Variants in CRBN observed in about 807,000 individuals in gnomAD.
The protein encoded by CRBN is cereblon.
A neutral mutation model predicts 62.2 loss-of-function variants in CRBN; 53 were observed. The ratio of observed to expected loss-of-function variants is 0.85; its 90% CI spans 0.68 to 1.07. The LOEUF is 1.07. Ranked by LOEUF, CRBN falls within the 50% of genes least tolerant of loss-of-function variation. The probability of loss-of-function intolerance (pLI) is 0.00; values close to 1 mark genes in which losing one functional copy is unlikely to be tolerated. For synonymous variants in CRBN, 208 were observed against 176.1 expected, an observed-to-expected ratio of 1.18 and a Z score of -1.43; for missense variants, 616 against 531.1, an observed-to-expected ratio of 1.16 and a Z score of -1.57.
intron 7 of CRBN, 166 bp downstream of exon 7, chr3:3,154,581 A>AAAT (rs1706797779): frequency 2.0e-6 from 1 of 494,026 alleles, no homozygotes; most frequent in Non-Finnish European, 3.5e-6. Context: ...ATTAATTTTA[A>AAAT]AATACTCATT....
At chr3:3,153,536 C>A in intron 8 of CRBN, 48 bp from the exon 9 acceptor site, 1 of 1,012,346 alleles carries the variant, frequency 9.9e-7, no homozygotes, top group Non-Finnish European at 1.6e-6. Context: ...CTGGCATTCA[C>A]TTTATCATGT....
At chr3:3,170,646 A>G (rs2126066288) in intron 4 of CRBN, among the ~76,000 whole-genome samples, 1 of 152,340 alleles carries the variant, frequency 6.6e-6, no homozygotes, top group East Asian at 1.9e-4. Flanking sequence ...AGGTGGTTAC[A>G]GGGCCAGAGA....
chr3:3,176,030 T>C (rs1707812952), intron 1 of CRBN, among the ~76,000 whole-genome samples: 1 of 152,178 alleles, frequency 6.6e-6, no homozygotes, highest in African/African-American at 2.4e-5. Context: ...GTAAAGTTCC[T>C]TTCCCCCCTC....
At chr3:3,173,181 C>T (rs1414910843) in intron 3 of CRBN, among the ~76,000 whole-genome samples, 2 of 152,102 alleles carry the variant, frequency 1.3e-5, no homozygotes, top group Admixed American at 1.3e-4. Context: ...CCCCAGCTGC[C>T]TGAGTAGCTG....
chr3:3,151,092 C>A, intron 10 of CRBN, 47 bp from the exon 11 acceptor site: 1 of 1,589,536 alleles, frequency 6.3e-7, no homozygotes. Flanking sequence ...TTTCTGTACT[C>A]CAAGCCTATC....
intron 5 of CRBN, among the ~76,000 whole-genome samples, chr3:3,162,532 T>C (rs554373290): frequency 6.6e-6 from 1 of 152,318 alleles, no homozygotes; most frequent in East Asian, 1.9e-4. Context: ...TGCTGAATCT[T>C]CTCTAATGCT....
chr3:3,164,272 T>C (rs1025890125), intron 5 of CRBN, among the ~76,000 whole-genome samples: 32 of 152,214 alleles, frequency 2.1e-4, no homozygotes, highest in Admixed American at 5.2e-4. Flanking sequence ...TAGAAACACA[T>C]GTCAAAGCTG....
intron 6 of CRBN, chr3:3,155,831 C>A: frequency 6.1e-6 from 1 of 163,354 alleles, no homozygotes; most frequent in Non-Finnish European, 1.3e-5. Flanking sequence ...CCTTTTGAGA[C>A]AGTCTTGCTC....
chr3:3,171,845 G>A (rs542427051), intron 4 of CRBN, among the ~76,000 whole-genome samples: 42 of 152,152 alleles, frequency 2.8e-4, no homozygotes, highest in African/African-American at 9.9e-4. Flanking sequence ...GATACCACCT[G>A]GGCAACACAG....
At chr3:3,152,142 T>A (rs1055926) in intron 10 of CRBN, among the ~76,000 whole-genome samples, 77,683 of 148,040 alleles carry the variant, frequency 0.52, 21,994 homozygotes, top group Middle Eastern at 0.69. Flanking sequence ...TGAAGGACAT[T>A]TAAATAAATT....
Position 3,167,150 on chromosome 3 carries a change from G to A in CRBN, c.687+484C>T, listed in dbSNP as rs148915080. 4.3e-3 allele frequency among the ~76,000 whole-genome samples: 659 copies of A among 152,126 alleles called. 2 individuals carry two copies. The highest frequency in any genetic ancestry group is 6.5e-3 in the Non-Finnish European group (444 of 67,988). ...TGCCCAAACAAGCAACATTTTTAAA[G>A]AGCACCTAGTCTCAAGTCAATTTCT... On this transcript the variant is annotated intron_variant, in intron 5 of 10. Transcript: ENST00000231948.
In CRBN at chr3:3,157,418, G is replaced by A. The variant is rs921659069; in HGVS notation, c.688-1137C>T. ...TGTGACATGACACATGAAAGTGAGA[G>A]AGAAAAGGAATAAGGTAGATCAAAA... On this transcript the variant is annotated intron_variant, in intron 5 of 10. Transcript: ENST00000231948. Among the ~76,000 whole-genome samples, 24 of 152,126 alleles carry A rather than the reference G, an allele frequency of 1.6e-4. 1 individual carries two copies. Among genetic ancestry groups the A allele is most frequent in the East Asian group, 1.2e-3 (6 of 5,194 alleles).
At position 3,167,593 on chromosome 3, in the gene CRBN, G is replaced by A. The variant is rs760441578; in HGVS notation, c.687+41C>T. On this transcript the variant is annotated intron_variant, in intron 5 of 10. Transcript: ENST00000231948. ...CTTAAAACAGGAAAAAAAACAACCT[G>A]TCTTCATTTTTTGAAGATGCATAAA... 3 of 1,583,296 alleles carry A rather than the reference G, an allele frequency of 1.9e-6. No homozygotes were observed. In the South Asian group the frequency reaches 3.3e-5, roughly 18 times the overall value.
rs1706719568 is a variant in CRBN, at chr3:3,153,353, G to A, written c.1016+71C>T. On this transcript the variant is annotated intron_variant, in intron 9 of 10. Coordinates refer to ENST00000231948, the MANE Select transcript of CRBN (RefSeq NM_016302.4). ...TTAAGGTACTGGAGGAAAGTTTATG[G>A]AAAACAGAAATACAGTCTTCATTAT... 35 of 928,680 alleles carry A rather than the reference G, an allele frequency of 3.8e-5. No homozygotes were observed. The South Asian group carries it at 4.7e-4, about 12-fold the overall frequency. The allele number at this position is 928,680 out of a possible 1,614,324, so 57.5% of individuals were successfully genotyped here.
rs541003646 is a variant in CRBN at position 3,158,292 on chromosome 3, G to C, written c.688-2011C>G. The stretch of plus-strand genomic sequence containing the variant: ...CTGATCTGATAAGAGGTGGCGCTCA[G>C]CTTCACTTGCTCGTTCACCACTCAC... On this transcript the variant is annotated intron_variant, in intron 5 of 10. Coordinates refer to ENST00000231948, the MANE Select transcript of CRBN (RefSeq NM_016302.4). Among the ~76,000 whole-genome samples, 115 of 152,308 alleles carry C rather than the reference G, an allele frequency of 7.6e-4. 1 individual carries two copies. Among genetic ancestry groups the C allele is most frequent in the African/African-American group, 2.7e-3 (114 of 41,568 alleles).
At position 3,150,855 on chromosome 3, in the gene CRBN, T is replaced by A. The variant is rs1424408123; in HGVS notation, c.*10A>T. On this transcript the variant is annotated 3_prime_UTR_variant, in exon 11 of 11. Transcript: ENST00000231948. The stretch of plus-strand genomic sequence containing the variant: ...AATTTGTTAGATAACTTTATCTCTA[T>A]CACATCTGTTTACAAGCAAAGTATT... The A allele has an allele frequency of 6.2e-7, 1 of 1,612,112 alleles. No individual in the cohort carries two copies. The highest frequency in any genetic ancestry group is 1.7e-5 in the Admixed American group (1 of 59,840).
chr3:3,149,648 A>ATTAT (rs1274788113), downstream of CRBN: 1 of 151,844 alleles, frequency 6.6e-6, no homozygotes, highest in African/African-American at 2.4e-5. Context: ...CAAACCCAAA[A>ATTAT]TTATTAAAGT....
intron 3 of CRBN, chr3:3,173,836 T>G: frequency 1.8e-6 from 1 of 562,122 alleles, no homozygotes; most frequent in Non-Finnish European, 3.2e-6. Context: ...ACCAGAAAGT[T>G]AAATTGTGTA....
chr3:3,152,827 T>A (rs780436189), intron 9 of CRBN: 1 of 546,384 alleles, frequency 1.8e-6, no homozygotes, highest in Non-Finnish European at 3.3e-6. Flanking sequence ...GAAATAGTAC[T>A]TGTTTTTAAA....
Sources: allele counts gnomAD v4.1 joint callset (sites outside exome capture counted in the v4.1 genomes callset), GRCh38; gene constraint gnomAD v4.1.1; transcripts MANE v1.5; gene names NCBI Gene and HGNC (gene_info 2026-07-23, HGNC 2026-07-21).